Variants in ZNF536 observed in about 807,000 individuals in gnomAD.
ZNF536 encodes zinc finger protein 536.
In ZNF536, 13 loss-of-function variants were observed where a neutral mutation model predicts 84.5. The ratio of observed to expected loss-of-function variants is 0.15; its 90% CI spans 0.10 to 0.24. The LOEUF is 0.24. ZNF536 is among the 10% of genes least tolerant of loss of function. The pLI is 1.00. For missense variants in ZNF536, 1,536 were observed against 1,747.5 expected, an observed-to-expected ratio of 0.88 and a Z score of 2.16; for synonymous variants, 811 against 742.5, an observed-to-expected ratio of 1.09 and a Z score of -1.50.
intron 1 of ZNF536, among the ~76,000 whole-genome samples, chr19:30,659,165 A>G (rs1231760970): frequency 1.4e-5 from 2 of 147,128 alleles, no homozygotes; most frequent in African/African-American, 5.0e-5. Context: ...TAATTTATAA[A>G]GAAAAGAGGT....
At chr19:30,534,324 A>G (rs1366223472) in intron 2 of ZNF536, among the ~76,000 whole-genome samples, 2 of 152,244 alleles carry the variant, frequency 1.3e-5, no homozygotes, top group African/African-American at 4.8e-5. Flanking sequence ...ACAAGACTCT[A>G]CAAGGAAGAA....
At chr19:30,664,362 C>T (rs1011818747) in intron 1 of ZNF536, among the ~76,000 whole-genome samples, 6 of 152,010 alleles carry the variant, frequency 3.9e-5, no homozygotes, top group South Asian at 4.2e-4. Context: ...ATAACCCTGA[C>T]CTTGGGCTGA....
At chr19:30,303,252 G>T (rs2046243414) in intron 2 of ZNF536, among the ~76,000 whole-genome samples, 1 of 152,208 alleles carries the variant, frequency 6.6e-6, no homozygotes, top group Non-Finnish European at 1.5e-5. Context: ...GATGACCCCA[G>T]CTTCTGGAGG....
chr19:30,308,795 G>A lies in ZNF536; in HGVS notation c.-120+24654G>A, dbSNP rs931321302. 4.6e-5 allele frequency among the ~76,000 whole-genome samples: 7 copies of A among 152,258 alleles called. No homozygotes were observed. In the South Asian group the frequency reaches 8.3e-4, roughly 18 times the overall value. On this transcript the variant is annotated intron_variant, in intron 2 of 5. Transcript: ENST00000585628. ...GAGTCCAGCAGTCTGTGTTTTGTGC[G>A]GTCTCACTCTAGGCTATGTTCCCAA...
chr19:30,408,531 C>T (rs1367718365), intron 1 of ZNF536, among the ~76,000 whole-genome samples: 2 of 152,190 alleles, frequency 1.3e-5, no homozygotes, highest in Non-Finnish European at 2.9e-5. Flanking sequence ...ATCTTCTTGA[C>T]CTCTGGTGAG....
At position 30,415,684 on chromosome 19, in the gene ZNF536, C is replaced by T. The variant is rs890151096; in HGVS notation, c.-2-27877C>T. Among the ~76,000 whole-genome samples, 9 of 152,178 alleles carry T rather than the reference C, an allele frequency of 5.9e-5. No individual in the cohort carries two copies. The East Asian group carries it at 1.7e-3, about 30-fold the overall frequency. ...GGAGTGCAGTGGCATGATCTCGGCT[C>T]ACTGCAAGCTCAGCCTCCTGGGTTC... On this transcript the variant is annotated intron_variant, in intron 1 of 4. Transcript: ENST00000355537.
chr19:30,480,376 CTGTT>C (rs1242185209), intron 2 of ZNF536, among the ~76,000 whole-genome samples: 2 of 152,222 alleles, frequency 1.3e-5, no homozygotes, highest in African/African-American at 2.4e-5. Context: ...CTTTCTCAGT[CTGTT>C]TGTTTTGCTC....
intron 1 of ZNF536, among the ~76,000 whole-genome samples, chr19:30,693,830 A>G (rs2051533036): frequency 6.6e-6 from 1 of 152,158 alleles, no homozygotes. Flanking sequence ...GTGGGTATGG[A>G]TTGCGGGTGT....
At position 30,445,400 on chromosome 19, in the gene ZNF536, A is replaced by C. The variant is rs1600760150; in HGVS notation, c.1838A>C (p.Asn613Thr). The C allele has an allele frequency of 6.2e-7, 1 of 1,614,140 alleles. No individual in the cohort carries two copies. The highest frequency in any genetic ancestry group is 8.5e-7 in the Non-Finnish European group (1 of 1,180,030). Residue 613 changes from asparagine (N) to threonine (T), a missense_variant, in exon 2 of 5, where the codon AAC becomes ACC. Coordinates refer to ENST00000355537, the MANE Select transcript of ZNF536 (RefSeq NM_014717.3). The surrounding 1 kb of genome is among the most constrained non-coding windows in gnomAD (Gnocchi z 4.5). ...CGGGATTTTTTGTCACACGGGCTGA[A>C]CCAGACTCTCGAGTATAACCTGCAG... ...SSRDFLSHGL[N>T]QTLEYNLQGP... is the part of the protein sequence containing the mutation.
intron 1 of ZNF536, among the ~76,000 whole-genome samples, chr19:30,416,634 G>A (rs1028543891): frequency 6.6e-6 from 1 of 152,084 alleles, no homozygotes; most frequent in Admixed American, 6.6e-5. Context: ...GAAGAGGGCA[G>A]GCTTTCTCTC....
downstream of ZNF536, among the ~76,000 whole-genome samples, chr19:30,558,432 G>A (rs541971315): frequency 2.0e-5 from 3 of 152,276 alleles, no homozygotes; most frequent in East Asian, 1.9e-4. Flanking sequence ...GGAGTATGCC[G>A]GCCATCATGC....
At chr19:30,615,956 T>C (rs1156770333) in intron 1 of ZNF536, among the ~76,000 whole-genome samples, 1 of 152,200 alleles carries the variant, frequency 6.6e-6, no homozygotes, top group Non-Finnish European at 1.5e-5. Flanking sequence ...ATCAAATCTT[T>C]TTCTCGATCA....
At chr19:30,483,014 T>G (rs192626736) in intron 2 of ZNF536, among the ~76,000 whole-genome samples, 269 of 152,304 alleles carry the variant, frequency 1.8e-3, no homozygotes, top group Non-Finnish European at 3.3e-3. Flanking sequence ...GGTCTGGCCT[T>G]TGGGGTCCAG....
intron 1 of ZNF536, chr19:30,665,524 C>T (rs1268222280): frequency 6.6e-6 from 1 of 152,098 alleles, no homozygotes; most frequent in Non-Finnish European, 1.5e-5. Flanking sequence ...CTGAGGAGGG[C>T]CTGCCTGGGA....
intron 1 of ZNF536, among the ~76,000 whole-genome samples, chr19:30,254,710 T>G (rs984717535): frequency 6.6e-6 from 1 of 152,176 alleles, no homozygotes; most frequent in Non-Finnish European, 1.5e-5. Context: ...GATTGGGAAG[T>G]AGCAAAGTGC....
chr19:30,553,233 G>A (rs1283796981), intron 4 of ZNF536, among the ~76,000 whole-genome samples: 2 of 152,212 alleles, frequency 1.3e-5, no homozygotes, highest in Non-Finnish European at 2.9e-5. Context: ...CATGGACAAA[G>A]CAAGGCAGAT....
chr19:30,453,088 C>T (rs538814785), intron 2 of ZNF536, among the ~76,000 whole-genome samples: 7 of 152,172 alleles, frequency 4.6e-5, no homozygotes, highest in African/African-American at 1.2e-4. Flanking sequence ...CAGGATGGGG[C>T]GATGGCAACA....
intron 4 of ZNF536, among the ~76,000 whole-genome samples, chr19:30,553,345 C>T (rs562258961): frequency 6.6e-6 from 1 of 152,332 alleles, no homozygotes; most frequent in Non-Finnish European, 1.5e-5. Flanking sequence ...CTGGTCTGCA[C>T]AGCACCCATG....
At chr19:30,598,442 A>C (rs2047543289) in intron 1 of ZNF536, among the ~76,000 whole-genome samples, 3 of 152,200 alleles carry the variant, frequency 2.0e-5, no homozygotes, top group African/African-American at 4.8e-5. Flanking sequence ...AATAATTTTG[A>C]AAGCGCCTCT....
Sources: allele counts gnomAD v4.1 joint callset (sites outside exome capture counted in the v4.1 genomes callset), GRCh38; gene constraint gnomAD v4.1.1; non-coding constraint Gnocchi (gnomAD v3.1); transcripts MANE v1.5; gene names NCBI Gene and HGNC (gene_info 2026-07-23, HGNC 2026-07-21).